ABCA8: variants seen among roughly 807,000 people sequenced by gnomAD.
ABCA8 encodes the protein ABC-type organic anion transporter ABCA8.
ABCA8 carries 177 observed loss-of-function variants against 192.3 expected under a neutral mutation model. That is an observed-to-expected ratio of 0.92 (90% confidence interval 0.81 to 1.04). The LOEUF (loss-of-function observed/expected upper bound fraction) is 1.04, where lower values mean the gene tolerates loss of function less well. Among genes scored for constraint, ABCA8 ranks in the 50% least tolerant of loss-of-function variants. The pLI, the probability that ABCA8 is intolerant of heterozygous loss-of-function variation, is 0.00. For missense variants in ABCA8, 1,915 were observed against 1,904.8 expected (o/e 1.01, Z -0.10); for synonymous variants, 642 against 690.2 (o/e 0.93, Z 1.09).
At chr17:68,902,237 A>G (rs548018847) in intron 21 of ABCA8, among the ~76,000 whole-genome samples, 2 of 152,366 alleles carry the variant, frequency 1.3e-5, no homozygotes, top group South Asian at 2.1e-4. Context: ...TGTTCAGAGT[A>G]GACAGATCAA....
intron 32 of ABCA8, chr17:68,878,943 A>G (rs1484286542): frequency 6.6e-6 from 1 of 152,200 alleles, no homozygotes; most frequent in African/African-American, 2.4e-5. Flanking sequence ...GTACAGTTTC[A>G]CAGGCATCTG....
chr17:68,890,173 A>G (rs1344576651), intron 24 of ABCA8, among the ~76,000 whole-genome samples: 4 of 152,218 alleles, frequency 2.6e-5, no homozygotes, highest in East Asian at 3.9e-4. Flanking sequence ...CCCACCCACA[A>G]TGCATGAGAG....
intron 19 of ABCA8, among the ~76,000 whole-genome samples, chr17:68,904,291 AAATAATAATAATAAT>A (rs71144635): frequency 0.094 from 13,514 of 144,270 alleles, 1,153 homozygotes; most frequent in African/African-American, 0.19. Context: ...CAAAAAAAAG[AAATAATAATAATAAT>A]AATAATAATA....
At position 68,908,356 on chromosome 17, in the gene ABCA8, A is replaced by G. The variant is rs112096468; in HGVS notation, c.2139-477T>C. Among the ~76,000 whole-genome samples the G allele has an allele frequency of 6.0e-3, 907 of 152,324 alleles. 15 individuals carry two copies. Among genetic ancestry groups the G allele is most frequent in the African/African-American group, 0.021 (888 of 41,582 alleles). On this transcript the variant is annotated intron_variant, in intron 17 of 39. Transcript: ENST00000586539. The stretch of plus-strand genomic sequence containing the variant: ...GATGCCAAACAGTTTCAGTTACTCA[A>G]TGTAGTCATCCAATGCAAATTTACT...
Position 68,929,620 on chromosome 17 carries a change from T to C in ABCA8, c.880A>G (p.Ile294Val). The C allele has an allele frequency of 1.2e-6, 2 of 1,613,752 alleles. No homozygotes were observed. Among genetic ancestry groups the C allele is most frequent in the South Asian group, 1.1e-5 (1 of 91,070 alleles). The change falls in exon 8 of 40, where the codon ATC becomes GTC. Residue 294 changes from isoleucine to valine, a missense_variant. Transcript: ENST00000586539. ...LALVIRSTQFIILSGFMVVFS... is the reference protein window; with the variant it reads ...LALVIRSTQFVILSGFMVVFS... ...ACTACCATGAAGCCAGACAAAATGA[T>C]AAACTGGGTAGATCTTATAACAAGT...
intron 32 of ABCA8, chr17:68,878,526 A>G (rs1208147730): frequency 6.6e-6 from 1 of 152,084 alleles, no homozygotes; most frequent in Non-Finnish European, 1.5e-5. Flanking sequence ...TAATCAGGAG[A>G]ATGCATGGAT....
At chr17:68,923,217 T>TGA (rs1555614715) in intron 11 of ABCA8, among the ~76,000 whole-genome samples, 3 of 151,554 alleles carry the variant, frequency 2.0e-5, no homozygotes, top group African/African-American at 7.3e-5. Flanking sequence ...TTTTTTTTTT[T>TGA]GAGAGAGAGT....
chr17:68,941,990 T>G lies in ABCA8; in HGVS notation c.45A>C (p.Leu15Phe). The change falls in exon 3 of 40, where the codon TTA becomes TTC. Residue 15 changes from leucine (L) to phenylalanine (F), a missense_variant. Coordinates refer to ENST00000586539, the MANE Select transcript of ABCA8 (RefSeq NM_001288985.2). Reference sequence around the variant, plus strand: ...ATTTTTTAAGAAAGTTCTTGCATAATAAGGCCCAAGTTTGTTGACACACAC... The same window carrying G: ...ATTTTTTAAGAAAGTTCTTGCATAAGAAGGCCCAAGTTTGTTGACACACAC... ...KISVCQQTWA[L>F]LCKNFLKKWR... is the part of the protein sequence containing the mutation. 1 of 1,613,466 alleles carries G rather than the reference T, an allele frequency of 6.2e-7. No homozygotes were observed. Among genetic ancestry groups the G allele is most frequent in the South Asian group, 1.1e-5 (1 of 91,026 alleles).
chr17:68,918,418 G>A lies in ABCA8; in HGVS notation c.1908+9C>T. 1.9e-6 allele frequency: 3 copies of A among 1,567,622 alleles called. No homozygotes were observed. The highest frequency in any genetic ancestry group is 2.3e-5 in the East Asian group (1 of 43,532). On this transcript the variant is annotated intron_variant, in intron 15 of 39. Coordinates refer to ENST00000586539, the MANE Select transcript of ABCA8 (RefSeq NM_001288985.2). Reference sequence around the variant, plus strand: ...CTTTGAATTCACCTGCAAATTCAATGTGACTCACCTGAGGATCTCCTAAAA... The same window carrying A: ...CTTTGAATTCACCTGCAAATTCAATATGACTCACCTGAGGATCTCCTAAAA...
chr17:68,913,393 A>G (rs559934977), intron 17 of ABCA8, among the ~76,000 whole-genome samples: 188 of 152,188 alleles, frequency 1.2e-3, no homozygotes, highest in African/African-American at 4.5e-3. Context: ...GAAATAATAA[A>G]CATCAGAGCA....
intron 27 of ABCA8, chr17:68,884,984 C>T (rs3744493): frequency 0.42 from 253,453 of 610,650 alleles, 54,536 homozygotes; most frequent in South Asian, 0.55. Context: ...CCTTACCCTT[C>T]CTTCCCATAT....
At chr17:68,950,361 CA>C (rs1567892609) in intron 1 of ABCA8, among the ~76,000 whole-genome samples, 1 of 152,094 alleles carries the variant, frequency 6.6e-6, no homozygotes, top group African/African-American at 2.4e-5. Flanking sequence ...TATGTGGAAC[CA>C]AAAAAGAGCC....
At position 68,876,653 on chromosome 17, in the gene ABCA8, G is replaced by T; in HGVS notation, c.4250C>A (p.Thr1417Asn). ...CTTTCTCTTTATTCCCTCTGACAAG[G>T]TCTTCACGGGAGACTTCAGCTGGTC... ...LQDQLKSPVK[T>N]LSEGIKRKLC... Residue 1417 changes from threonine (T) to asparagine (N), a missense_variant, in exon 34 of 40, where the codon ACC (threonine) becomes AAC (asparagine). Coordinates refer to ENST00000586539, the MANE Select transcript of ABCA8 (RefSeq NM_001288985.2). The T allele has an allele frequency of 6.2e-7, 1 of 1,614,126 alleles. No homozygotes were observed. The highest frequency in any genetic ancestry group is 8.5e-7 in the Non-Finnish European group (1 of 1,180,018).
chr17:68,949,531 T>C (rs1452682230), intron 1 of ABCA8, 59 bp from the exon 2 acceptor site: 1 of 152,146 alleles, frequency 6.6e-6, no homozygotes, highest in Non-Finnish European at 1.5e-5. Flanking sequence ...TTAATATCGA[T>C]GTGAAAATCG....
intron 37 of ABCA8, among the ~76,000 whole-genome samples, chr17:68,870,098 C>A (rs2066009496): frequency 6.6e-6 from 1 of 152,160 alleles, no homozygotes; most frequent in Non-Finnish European, 1.5e-5. Context: ...TTCCCAGGAA[C>A]AGATAAAGCT....
At chr17:68,880,775 A>T (rs997361361) in intron 32 of ABCA8, 1 of 320,536 alleles carries the variant, frequency 3.1e-6, no homozygotes. Flanking sequence ...CACCTGGCTC[A>T]TTCTTGGCAG....
At chr17:68,896,031 A>G (rs1289812782) in intron 21 of ABCA8, among the ~76,000 whole-genome samples, 1 of 152,160 alleles carries the variant, frequency 6.6e-6, no homozygotes, top group Non-Finnish European at 1.5e-5. Context: ...ATCAGGCACG[A>G]TCCATGCTTC....
chr17:68,930,566 C>A (rs1449529853), intron 7 of ABCA8, among the ~76,000 whole-genome samples: 3 of 152,098 alleles, frequency 2.0e-5, no homozygotes, highest in African/African-American at 7.2e-5. Context: ...ACACACATAG[C>A]AATTAATATG....
At chr17:68,951,014 C>T (rs893802980) in intron 1 of ABCA8, among the ~76,000 whole-genome samples, 1 of 152,014 alleles carries the variant, frequency 6.6e-6, no homozygotes, top group South Asian at 2.1e-4. Context: ...CCTGGCCTAG[C>T]CTACTGCGGA....
Sources: gnomAD v4.1 joint callset for allele counts (sites outside exome capture counted in the v4.1 genomes callset) on GRCh38, gnomAD v4.1.1 for gene constraint, MANE v1.5 for transcripts, NCBI Gene and HGNC (gene_info 2026-07-23, HGNC 2026-07-21) for gene names.